Variants in ZNF215 observed in about 807,000 individuals in gnomAD.
ZNF215 encodes zinc finger protein 215, also known as BWSCR2-associated zinc finger protein 2.
ZNF215 carries 24 observed loss-of-function variants against 27.2 expected under a neutral mutation model. The ratio of observed to expected loss-of-function variants is 0.88; its 90% CI spans 0.64 to 1.24. ZNF215 has a LOEUF of 1.24. Among genes scored for constraint, ZNF215 ranks in the 50% most tolerant of loss-of-function variants. The pLI, the probability that ZNF215 is intolerant of heterozygous loss-of-function variation, is 0.00. For missense variants in ZNF215, 675 were observed against 605.7 expected, an observed-to-expected ratio of 1.11 and a Z score of -1.20; for synonymous variants, 210 against 204.0, an observed-to-expected ratio of 1.03 and a Z score of -0.25.
intron 6 of ZNF215, among the ~76,000 whole-genome samples, chr11:6,954,723 C>T (rs939752194): frequency 3.3e-5 from 5 of 152,208 alleles, no homozygotes; most frequent in Admixed American, 3.3e-4. Context: ...TCGGCTTGCG[C>T]AGGGTGCACT....
chr11:6,948,651 G>A (rs1849918643), intron 6 of ZNF215, among the ~76,000 whole-genome samples: 1 of 152,168 alleles, frequency 6.6e-6, no homozygotes. Context: ...ATGTGAGTGC[G>A]AAGCTGACAT....
At chr11:6,976,347 A>C (rs1437305397) in intron 5 of ZNF215, among the ~76,000 whole-genome samples, 1 of 152,098 alleles carries the variant, frequency 6.6e-6, no homozygotes, top group Non-Finnish European at 1.5e-5. Flanking sequence ...AAATGTTGAC[A>C]CAGAGACCAA....
At chr11:6,982,803 C>T (rs1484269226) in intron 5 of ZNF215, among the ~76,000 whole-genome samples, 4 of 151,776 alleles carry the variant, frequency 2.6e-5, no homozygotes, top group Admixed American at 2.6e-4. Context: ...CAAGAGAAAG[C>T]AGGAAAGATC....
Position 6,957,096 on chromosome 11 carries a change from G to T in ZNF215, c.*565G>T. On this transcript the variant is annotated 3_prime_UTR_variant, in exon 7 of 7. Coordinates refer to ENST00000278319, the MANE Select transcript of ZNF215 (RefSeq NM_013250.4). ...TTGCTGTTGAATGGAGACTAGAGTT[G>T]GGAAAGGGTTATCAACTGCAATGGG... The T allele has an allele frequency of 2.0e-6, 2 of 985,626 alleles. No individual in the cohort carries two copies. Among genetic ancestry groups the T allele is most frequent in the Non-Finnish European group, 2.4e-6 (2 of 830,088 alleles). The allele number at this position is 985,626 out of a possible 1,614,324, so 61.1% of individuals were successfully genotyped here.
exon 6 of ZNF215, chr11:6,984,250 G>A (rs975090793): frequency 7.8e-6 from 2 of 255,120 alleles, no homozygotes; most frequent in South Asian, 3.4e-5. Context: ...TGGGATTAGA[G>A]GCACCCACCA....
chr11:6,954,103 T>G lies in ZNF215; in HGVS notation c.713-1587T>G, dbSNP rs527662953. Among the ~76,000 whole-genome samples, 12 of 152,252 alleles carry G rather than the reference T, an allele frequency of 7.9e-5. No individual in the cohort carries two copies. The East Asian group carries it at 2.1e-3, about 27-fold the overall frequency. ...TGATCGTTTCTCTGGAAGTTTTGTCTCAGAGGAATACCCGGCCGTGTGAGA... is the reference window on the plus strand; with the variant it reads ...TGATCGTTTCTCTGGAAGTTTTGTCGCAGAGGAATACCCGGCCGTGTGAGA... On this transcript the variant is annotated intron_variant, in intron 6 of 6. Transcript: ENST00000278319.
intron 5 of ZNF215, among the ~76,000 whole-genome samples, chr11:6,964,185 T>C (rs1850570458): frequency 6.6e-6 from 1 of 152,036 alleles, no homozygotes; most frequent in Non-Finnish European, 1.5e-5. Flanking sequence ...TTATATATTC[T>C]AGATGGAAGT....
intron 5 of ZNF215, among the ~76,000 whole-genome samples, chr11:6,965,431 C>A (rs1850599699): frequency 6.6e-6 from 1 of 151,350 alleles, no homozygotes; most frequent in African/African-American, 2.4e-5. Context: ...TGTGTTCACT[C>A]TATTCAAACA....
At chr11:6,982,349 GA>G (rs1180158638) in intron 5 of ZNF215, among the ~76,000 whole-genome samples, 1 of 151,950 alleles carries the variant, frequency 6.6e-6, no homozygotes, top group Non-Finnish European at 1.5e-5. Flanking sequence ...ACAGATCAAC[GA>G]GACAGAAAGT....
chr11:6,984,774 T>C (rs1484564362), downstream of ZNF215: 1 of 152,160 alleles, frequency 6.6e-6, no homozygotes, highest in East Asian at 1.9e-4. Context: ...AAACTAACTT[T>C]TTAGAAGCCA....
At chr11:6,952,436 T>G (rs1850112557) in intron 6 of ZNF215, among the ~76,000 whole-genome samples, 2 of 152,172 alleles carry the variant, frequency 1.3e-5, no homozygotes, top group African/African-American at 2.4e-5. Flanking sequence ...GGTGCATATA[T>G]ATTTAGGATA....
chr11:6,970,017 A>G (rs983196997), intron 5 of ZNF215, among the ~76,000 whole-genome samples: 5 of 152,040 alleles, frequency 3.3e-5, no homozygotes, highest in African/African-American at 1.2e-4. Context: ...CATGACCTTA[A>G]GTGACCCGCC....
downstream of ZNF215, among the ~76,000 whole-genome samples, chr11:6,990,318 C>T (rs1473763371): frequency 6.6e-6 from 1 of 152,074 alleles, no homozygotes; most frequent in African/African-American, 2.4e-5. Flanking sequence ...GGAAATCTTT[C>T]CAGTGGCAAA....
intron 6 of ZNF215, among the ~76,000 whole-genome samples, chr11:6,951,426 G>T (rs528527850): frequency 5.9e-5 from 9 of 152,140 alleles, no homozygotes; most frequent in African/African-American, 2.2e-4. Context: ...TTATTGGTCT[G>T]TTCAGAGATT....
At chr11:6,983,168 T>C (rs1850995016) in intron 5 of ZNF215, among the ~76,000 whole-genome samples, 1 of 152,140 alleles carries the variant, frequency 6.6e-6, no homozygotes, top group African/African-American at 2.4e-5. Context: ...AAGAAATGGA[T>C]AAACTCCTCG....
intron 6 of ZNF215, among the ~76,000 whole-genome samples, chr11:6,955,176 G>C (rs1000722323): frequency 7.2e-5 from 11 of 152,122 alleles, no homozygotes; most frequent in African/African-American, 2.7e-4. Flanking sequence ...TTATATGTAG[G>C]GAGTAATTGT....
chr11:6,986,330 A>C, downstream of ZNF215, among the ~76,000 whole-genome samples: 1 of 152,304 alleles, frequency 6.6e-6, no homozygotes, highest in East Asian at 1.9e-4. Context: ...AGTCATATGC[A>C]AAAAAATGAA....
chr11:6,948,433 C>A (rs1007414113), intron 6 of ZNF215, among the ~76,000 whole-genome samples: 18 of 151,978 alleles, frequency 1.2e-4, no homozygotes, highest in Non-Finnish European at 2.4e-4. Flanking sequence ...AACCAAAGCA[C>A]AGATTTGATA....
chr11:6,952,445 T>G (rs1850112848), intron 6 of ZNF215, among the ~76,000 whole-genome samples: 2 of 152,174 alleles, frequency 1.3e-5, no homozygotes, highest in East Asian at 3.8e-4. Context: ...ATATTTAGGA[T>G]AGTTAGCTCT....
Sources: allele counts gnomAD v4.1 joint callset (sites outside exome capture counted in the v4.1 genomes callset), GRCh38; gene constraint gnomAD v4.1.1; transcripts MANE v1.5; gene names NCBI Gene and HGNC (gene_info 2026-07-23, HGNC 2026-07-21).